Variants in PBX1 observed in about 807,000 individuals in gnomAD.
PBX1 encodes the protein pre-B-cell leukemia transcription factor 1.
Under a neutral mutation model 53.4 loss-of-function variants are expected in PBX1, and 6 were observed. The ratio of observed to expected loss-of-function variants is 0.11; its 90% confidence interval spans 0.06 to 0.22. The LOEUF (loss-of-function observed/expected upper bound fraction) is 0.22, where lower values mean the gene tolerates loss of function less well. Ranked by LOEUF, PBX1 falls within the 10% of genes least tolerant of loss-of-function variation. PBX1 has a pLI of 1.00. For synonymous variants in PBX1, 204 were observed against 212.3 expected (o/e 0.96, Z 0.34); for missense variants, 251 against 551.4 (o/e 0.46, Z 5.46).
chr1:164,832,327 C>T (rs1156836565), intron 8 of PBX1, among the ~76,000 whole-genome samples: 5 of 152,180 alleles, frequency 3.3e-5, no homozygotes, highest in African/African-American at 9.7e-5. Flanking sequence ...ATATGGAAGG[C>T]TTACGACTAG....
At chr1:164,876,646 A>G (rs985981349) in intron 2 of PBX1, among the ~76,000 whole-genome samples, 6 of 152,082 alleles carry the variant, frequency 3.9e-5, no homozygotes, top group Admixed American at 1.3e-4. Context: ...AGGCCAGCAC[A>G]TTAAGGTAAT....
chr1:164,819,705 T>G (rs1371408313), intron 6 of PBX1: 1 of 171,274 alleles, frequency 5.8e-6, no homozygotes, highest in Admixed American at 6.0e-5. Context: ...GCCTCCATCT[T>G]GTGGTCCCCT....
At chr1:164,705,641 T>C (rs990546979) in intron 2 of PBX1, among the ~76,000 whole-genome samples, 1 of 152,230 alleles carries the variant, frequency 6.6e-6, no homozygotes, top group African/African-American at 2.4e-5. Flanking sequence ...TTCACATGCA[T>C]ATGCAGAAAC....
intron 2 of PBX1, among the ~76,000 whole-genome samples, chr1:164,693,510 G>A (rs2635015): frequency 0.24 from 35,884 of 152,000 alleles, 4,464 homozygotes; most frequent in East Asian, 0.45. Flanking sequence ...TGTTTATACT[G>A]CTTCAGTTGC....
chr1:164,574,544 T>C (rs1654087925), intron 2 of PBX1, among the ~76,000 whole-genome samples: 1 of 152,220 alleles, frequency 6.6e-6, no homozygotes, highest in Non-Finnish European at 1.5e-5. Flanking sequence ...TTCATTGTTA[T>C]GGCAGCTCTA....
chr1:164,689,078 A>G (rs944213713), intron 2 of PBX1, among the ~76,000 whole-genome samples: 1 of 152,166 alleles, frequency 6.6e-6, no homozygotes, highest in Non-Finnish European at 1.5e-5. Context: ...AGTAATTGGG[A>G]CTCGCCAAAG....
At chr1:164,584,791 T>A (rs1654843191) in intron 2 of PBX1, among the ~76,000 whole-genome samples, 1 of 152,110 alleles carries the variant, frequency 6.6e-6, no homozygotes, top group Non-Finnish European at 1.5e-5. Flanking sequence ...GGGCAGCTGC[T>A]TCTTTAACTA....
intron 2 of PBX1, among the ~76,000 whole-genome samples, chr1:164,707,853 T>TA (rs1663530566): frequency 6.6e-6 from 1 of 152,172 alleles, no homozygotes; most frequent in Non-Finnish European, 1.5e-5. Context: ...CTGTGAGGAC[T>TA]AAGAACCAAG....
At chr1:164,658,329 G>T (rs184455239) in intron 2 of PBX1, among the ~76,000 whole-genome samples, 6 of 152,340 alleles carry the variant, frequency 3.9e-5, no homozygotes, top group Admixed American at 3.9e-4. Context: ...TCATCAGCCT[G>T]TTGTGGAGCT....
chr1:164,777,338 G>A (rs1228616608), intron 2 of PBX1, among the ~76,000 whole-genome samples: 4 of 152,134 alleles, frequency 2.6e-5, no homozygotes, highest in African/African-American at 9.7e-5. Context: ...TGGGAGAATC[G>A]CTTGAACCCG....
chr1:164,737,286 G>A (rs139953088), intron 2 of PBX1, among the ~76,000 whole-genome samples: 233 of 152,092 alleles, frequency 1.5e-3, no homozygotes, highest in African/African-American at 4.9e-3. Context: ...TGGATAAGTC[G>A]TCTAAATAAA....
intron 2 of PBX1, among the ~76,000 whole-genome samples, chr1:164,772,343 C>T (rs1007427754): frequency 6.6e-6 from 1 of 152,102 alleles, no homozygotes; most frequent in Non-Finnish European, 1.5e-5. Flanking sequence ...GGTGCAACAC[C>T]GTTTACCAAC....
At chr1:164,870,137 C>G (rs188770636) in intron 2 of PBX1, among the ~76,000 whole-genome samples, 6 of 152,272 alleles carry the variant, frequency 3.9e-5, no homozygotes, top group African/African-American at 9.6e-5. Flanking sequence ...CTTACCAGCT[C>G]TATGATCAAG....
At chr1:164,840,960 A>T (rs1671260272) in intron 8 of PBX1, among the ~76,000 whole-genome samples, 1 of 152,106 alleles carries the variant, frequency 6.6e-6, no homozygotes, top group African/African-American at 2.4e-5. Context: ...GTGTTTCTTT[A>T]CTTCATCCTA....
chr1:164,660,836 A>C (rs954003750), intron 2 of PBX1, among the ~76,000 whole-genome samples: 1 of 152,230 alleles, frequency 6.6e-6, no homozygotes, highest in Admixed American at 6.5e-5. Flanking sequence ...TACAAATAAC[A>C]TATCAGTTGT....
intron 2 of PBX1, among the ~76,000 whole-genome samples, chr1:164,686,091 C>A (rs773690620): frequency 6.6e-6 from 1 of 152,158 alleles, no homozygotes; most frequent in African/African-American, 2.4e-5. Flanking sequence ...ATTTATTCAT[C>A]TATTAAGGGG....
At chr1:164,667,349 TATATA>T (rs1203381917) in intron 2 of PBX1, among the ~76,000 whole-genome samples, 2 of 151,276 alleles carry the variant, frequency 1.3e-5, no homozygotes, top group Admixed American at 6.6e-5. Context: ...TACACACAAA[TATATA>T]ATATAATCTA....
chr1:164,593,042 C>G (rs780607445), intron 2 of PBX1, among the ~76,000 whole-genome samples: 2 of 151,916 alleles, frequency 1.3e-5, no homozygotes, highest in African/African-American at 4.8e-5. Flanking sequence ...ACTGCAACCT[C>G]TGTCTCCTGG....
At chr1:164,564,884 A>C (rs1653322759) in intron 2 of PBX1, among the ~76,000 whole-genome samples, 1 of 151,326 alleles carries the variant, frequency 6.6e-6, no homozygotes, top group Admixed American at 6.6e-5. Context: ...ATGCTTATTT[A>C]CTTTGAGTGT....
Sources: gnomAD v4.1 joint callset for allele counts (sites outside exome capture counted in the v4.1 genomes callset) on GRCh38, gnomAD v4.1.1 for gene constraint, MANE v1.5 for transcripts, NCBI Gene and HGNC (gene_info 2026-07-23, HGNC 2026-07-21) for gene names.